Variants in PRIM2 observed in about 807,000 individuals in gnomAD.
PRIM2 encodes DNA primase subunit 2, also known as DNA primase large subunit.
Under a neutral mutation model 67.3 loss-of-function variants are expected in PRIM2, and 39 were observed. The ratio of observed to expected loss-of-function variants is 0.58; its 90% CI spans 0.45 to 0.76. The LOEUF (loss-of-function observed/expected upper bound fraction) is 0.76, where lower values mean the gene tolerates loss of function less well. PRIM2 is among the 30% of genes least tolerant of loss of function. The pLI is 0.00. For missense variants in PRIM2, 398 were observed against 598.7 expected (o/e 0.66, Z 3.50); for synonymous variants, 143 against 198.7 (o/e 0.72, Z 2.36).
At chr6:57,515,080 TTGA>T (rs1774454180) in intron 8 of PRIM2, among the ~76,000 whole-genome samples, 1 of 152,226 alleles carries the variant, frequency 6.6e-6, no homozygotes, top group Non-Finnish European at 1.5e-5. Context: ...TTTTGTGAAC[TTGA>T]TGCATACTTT....
At chr6:57,429,974 T>C (rs1219769890) in intron 7 of PRIM2, among the ~76,000 whole-genome samples, 4 of 152,208 alleles carry the variant, frequency 2.6e-5, no homozygotes, top group African/African-American at 9.6e-5. Flanking sequence ...ATATTCTCAC[T>C]AGTTGAGTAA....
At chr6:57,310,097 GA>G (rs1427752992), upstream of PRIM2, among the ~76,000 whole-genome samples, 18 of 151,648 alleles carry the variant, frequency 1.2e-4, no homozygotes, top group Admixed American at 1.2e-3. Context: ...AAATTTACAA[GA>G]AAAAAACAAA....
At chr6:57,446,244 C>CTTAAA (rs1772358130) in intron 7 of PRIM2, among the ~76,000 whole-genome samples, 1 of 150,564 alleles carries the variant, frequency 6.6e-6, no homozygotes, top group Non-Finnish European at 1.5e-5. Context: ...AATCTATTGT[C>CTTAAA]TTAAGCCTTT....
the PRIM2 span, among the ~76,000 whole-genome samples, chr6:57,300,921 GAGA>G: frequency 3.9e-5 from 6 of 152,204 alleles, no homozygotes; most frequent in Non-Finnish European, 1.5e-5. Context: ...GTTGCTGTGA[GAGA>G]AGGAGATTTT....
chr6:57,270,097 T>G, the PRIM2 span, among the ~76,000 whole-genome samples: 1 of 152,066 alleles, frequency 6.6e-6, no homozygotes. Context: ...TGGCTTAGGA[T>G]TGACTTGGCG....
intron 10 of PRIM2, among the ~76,000 whole-genome samples, chr6:57,566,645 T>A (rs1775749037): frequency 6.6e-6 from 1 of 152,120 alleles, no homozygotes; most frequent in African/African-American, 2.4e-5. Context: ...GCACTGCCAA[T>A]GGGAGTCAGT....
In PRIM2 at chr6:57,598,142, T is replaced by C. The variant is rs1776401185; in HGVS notation, c.1021-2951T>C. Among the ~76,000 whole-genome samples, 3 of 152,200 alleles carry C rather than the reference T, an allele frequency of 2.0e-5. No individual in the cohort carries two copies. In the South Asian group the frequency reaches 6.2e-4, roughly 31 times the overall value. The stretch of plus-strand genomic sequence containing the variant: ...ATCTGGCTTCTCACTATTTAACAAG[T>C]GTTGCTTAAAGTATCGTGTAGGAAC... On this transcript the variant is annotated intron_variant, in intron 10 of 13. Coordinates refer to ENST00000615550, the MANE Select transcript of PRIM2 (RefSeq NM_000947.5).
chr6:57,468,054 T>C (rs1486765108), intron 7 of PRIM2, among the ~76,000 whole-genome samples: 2 of 152,206 alleles, frequency 1.3e-5, no homozygotes, highest in African/African-American at 2.4e-5. Context: ...TTTCTAAATA[T>C]ACAATTACGT....
upstream of PRIM2, chr6:57,317,499 C>T (rs1019210): frequency 0.7 from 107,529 of 152,602 alleles, 38,218 homozygotes; most frequent in African/African-American, 0.81. Flanking sequence ...CCAAGGTGGA[C>T]GGAACACCTT....
chr6:57,476,461 A>G (rs1312762145), intron 7 of PRIM2, among the ~76,000 whole-genome samples: 2 of 152,212 alleles, frequency 1.3e-5, no homozygotes, highest in Non-Finnish European at 2.9e-5. Flanking sequence ...GTTCCACAAG[A>G]GAAATTCACT....
At chr6:57,457,995 A>C (rs1486544129) in intron 7 of PRIM2, among the ~76,000 whole-genome samples, 2 of 152,120 alleles carry the variant, frequency 1.3e-5, no homozygotes, top group African/African-American at 4.8e-5. Flanking sequence ...TCTTAGATTC[A>C]TTCAGCCTTG....
intron 7 of PRIM2, among the ~76,000 whole-genome samples, chr6:57,391,532 G>C (rs1305182939): frequency 1.3e-5 from 2 of 152,178 alleles, no homozygotes; most frequent in African/African-American, 4.8e-5. Flanking sequence ...ATTTTGAGTT[G>C]ATTTTTATAT....
chr6:57,598,503 T>C (rs1391801319), intron 10 of PRIM2, among the ~76,000 whole-genome samples: 1 of 152,160 alleles, frequency 6.6e-6, no homozygotes, highest in Non-Finnish European at 1.5e-5. Flanking sequence ...GCCAGATATC[T>C]TGTCAAAGGT....
intron 10 of PRIM2, 37 bp from the exon 11 acceptor site, chr6:57,601,056 G>C: frequency 1.3e-6 from 2 of 1,562,510 alleles, no homozygotes; most frequent in South Asian, 2.4e-5. Context: ...ATAATTATTG[G>C]CTGACTTTGT....
intron 5 of PRIM2, among the ~76,000 whole-genome samples, chr6:57,337,928 T>G (rs1393596071): frequency 6.6e-6 from 1 of 152,044 alleles, no homozygotes; most frequent in Non-Finnish European, 1.5e-5. Context: ...AGCTGGTTTT[T>G]TGAAAGGATC....
the PRIM2 span, among the ~76,000 whole-genome samples, chr6:57,240,773 A>C: frequency 1.3e-5 from 2 of 152,150 alleles, no homozygotes; most frequent in Non-Finnish European, 2.9e-5. Flanking sequence ...AAATTAATAT[A>C]AGATAGAAAA....
At chr6:57,529,610 CA>C (rs1774844645) in intron 8 of PRIM2, among the ~76,000 whole-genome samples, 1 of 151,982 alleles carries the variant, frequency 6.6e-6, no homozygotes, top group Non-Finnish European at 1.5e-5. Context: ...AGGTGTCACT[CA>C]AGGGAAAGAT....
At chr6:57,368,376 A>G (rs554531750) in intron 5 of PRIM2, among the ~76,000 whole-genome samples, 103 of 152,320 alleles carry the variant, frequency 6.8e-4, no homozygotes, top group African/African-American at 2.4e-3. Flanking sequence ...CAAGTAATGT[A>G]CATACTTACT....
chr6:57,610,057 T>C (rs1776635207), intron 12 of PRIM2, among the ~76,000 whole-genome samples: 3 of 152,162 alleles, frequency 2.0e-5, no homozygotes, highest in South Asian at 2.1e-4. Flanking sequence ...CCTTCAACTA[T>C]AGGAAATCGA....
Sources: allele counts gnomAD v4.1 joint callset (sites outside exome capture counted in the v4.1 genomes callset), GRCh38; gene constraint gnomAD v4.1.1; transcripts MANE v1.5; gene names NCBI Gene and HGNC (gene_info 2026-07-23, HGNC 2026-07-21).